The following GLI3 variants were observed in gnomAD, a reference collection of about 807,000 sequenced individuals.
GLI3 encodes GLI family zinc finger 3.
GLI3 carries 20 observed loss-of-function variants against 100.8 expected under a neutral mutation model. The ratio of observed to expected loss-of-function variants is 0.20; its 90% confidence interval spans 0.14 to 0.29. The LOEUF (loss-of-function observed/expected upper bound fraction) is 0.29, where lower values mean the gene tolerates loss of function less well. GLI3 is among the 10% of genes least tolerant of loss of function. The pLI is 1.00. For synonymous variants in GLI3, 938 were observed against 860.5 expected, an observed-to-expected ratio of 1.09 and a Z score of -1.58; for missense variants, 2,040 against 2,128.5, an observed-to-expected ratio of 0.96 and a Z score of 0.82.
chr7:42,238,057 C>G (rs112722486), upstream of GLI3, among the ~76,000 whole-genome samples: 2,442 of 149,928 alleles, frequency 0.016, 28 homozygotes, highest in South Asian at 0.036. Context: ...CGCCCCTCCC[C>G]GGTCTTCACA....
chr7:42,003,815 C>T lies in GLI3; in HGVS notation c.1497+19653G>A, dbSNP rs73688615. ...CAAGAGACGGAAATGATAGATATGA[C>T]GTAGAATATATATTTTTGTACATCT... On this transcript the variant is annotated intron_variant, in intron 10 of 14. Transcript: ENST00000395925. Among the ~76,000 whole-genome samples, 52 of 152,206 alleles carry T rather than the reference C, an allele frequency of 3.4e-4. No homozygotes were observed. The East Asian group carries it at 6.2e-3, about 18-fold the overall frequency.
intron 2 of GLI3, among the ~76,000 whole-genome samples, chr7:42,182,686 A>G (rs759872249): frequency 0.16 from 15,804 of 99,742 alleles, 1,874 homozygotes; most frequent in Non-Finnish European, 0.21. Context: ...ATATATACAC[A>G]TGTGTGTATA....
chr7:42,053,368 C>T (rs940096284), intron 4 of GLI3, among the ~76,000 whole-genome samples: 5 of 152,078 alleles, frequency 3.3e-5, no homozygotes, highest in Admixed American at 6.6e-5. Flanking sequence ...ATCAGGCAGA[C>T]GTGTGTTCAC....
chr7:42,026,121 G>T, intron 8 of GLI3, 78 bp downstream of exon 8: 1 of 902,234 alleles, frequency 1.1e-6, no homozygotes. Flanking sequence ...GTGCCGTGTT[G>T]ATTAACAGCT....
intron 10 of GLI3, among the ~76,000 whole-genome samples, chr7:41,996,845 T>C (rs1232927106): frequency 4.6e-5 from 7 of 152,184 alleles, no homozygotes; most frequent in African/African-American, 1.7e-4. Flanking sequence ...CGTGATATTA[T>C]AAGGATTCTT....
At chr7:42,147,782 G>A (rs1453188292) in intron 3 of GLI3, among the ~76,000 whole-genome samples, 1 of 152,118 alleles carries the variant, frequency 6.6e-6, no homozygotes, top group African/African-American at 2.4e-5. Flanking sequence ...ATCAAAAATG[G>A]GAATAGGCAA....
chr7:42,195,089 C>T (rs76068079), intron 2 of GLI3, among the ~76,000 whole-genome samples: 2 of 151,982 alleles, frequency 1.3e-5, no homozygotes, highest in Non-Finnish European at 2.9e-5. Context: ...ACTTATCTCA[C>T]CCCCACTGCC....
At chr7:42,142,200 C>T (rs954079470) in intron 3 of GLI3, among the ~76,000 whole-genome samples, 2 of 152,054 alleles carry the variant, frequency 1.3e-5, no homozygotes, top group Non-Finnish European at 2.9e-5. Flanking sequence ...GGCCTTTAAA[C>T]ATAAGCAGGA....
intron 1 of GLI3, among the ~76,000 whole-genome samples, chr7:42,257,624 A>G (rs554887166): frequency 6.6e-6 from 1 of 152,154 alleles, no homozygotes; most frequent in African/African-American, 2.4e-5. Context: ...GATTACAGGC[A>G]TGAGCCACCG....
intron 10 of GLI3, among the ~76,000 whole-genome samples, chr7:41,991,162 C>T (rs1787977023): frequency 1.3e-5 from 2 of 152,260 alleles, no homozygotes; most frequent in South Asian, 2.1e-4. Context: ...AATGCAGAAA[C>T]GAATACTGTC....
chr7:42,037,371 T>C (rs1397756816), intron 7 of GLI3, among the ~76,000 whole-genome samples: 7 of 152,184 alleles, frequency 4.6e-5, no homozygotes, highest in Non-Finnish European at 8.8e-5. Flanking sequence ...GTGCTACCAC[T>C]AACTGATTAT....
intron 4 of GLI3, among the ~76,000 whole-genome samples, chr7:42,069,372 C>A (rs536228649): frequency 1.9e-3 from 288 of 152,174 alleles, no homozygotes; most frequent in Middle Eastern, 0.017. Flanking sequence ...GATTTATGTG[C>A]CCGCTCATCA....
Position 42,261,984 on chromosome 7 carries a change from CTTTCTTTCTTTCTTTCT to C in GLI3, c.-43+1993_-43+2009del, listed in dbSNP as rs1271144051. 2.3e-5 allele frequency among the ~76,000 whole-genome samples: 3 copies of C among 132,538 alleles called. No homozygotes were observed. The Admixed American group carries it at 2.5e-4, about 11-fold the overall frequency. 87.0% of individuals were successfully genotyped at this position (132,538 alleles called of 152,430 possible). On this transcript the variant is annotated intron_variant, in intron 1 of 2. Transcript: ENST00000678978. Reference sequence around the variant, plus strand: ...TTCCTCTCTCTCTCGCTCTCTCTTTCTTTCTTTCTTTCTTTCTTTTCTTTCTTTCCTTCCTCTCTCTC... The same window carrying C: ...TTCCTCTCTCTCTCGCTCTCTCTTTCTTTCTTTCTTTCCTTCCTCTCTCTC...
chr7:42,140,920 T>C (rs1204662270), intron 3 of GLI3, among the ~76,000 whole-genome samples: 1 of 151,992 alleles, frequency 6.6e-6, no homozygotes, highest in Non-Finnish European at 1.5e-5. Context: ...CATGCTTTAC[T>C]CTAGGAGGGA....
At chr7:42,164,717 C>T (rs1242927372) in intron 2 of GLI3, among the ~76,000 whole-genome samples, 2 of 151,288 alleles carry the variant, frequency 1.3e-5, no homozygotes, top group Non-Finnish European at 2.9e-5. Flanking sequence ...GTAGTCCCAG[C>T]TATTCGGGAG....
chr7:42,057,784 C>T (rs577592066), intron 4 of GLI3, among the ~76,000 whole-genome samples: 6 of 152,240 alleles, frequency 3.9e-5, no homozygotes, highest in Non-Finnish European at 8.8e-5. Flanking sequence ...GAATGGAAAA[C>T]CAAATACCAT....
intron 4 of GLI3, among the ~76,000 whole-genome samples, chr7:42,075,283 G>A (rs556967368): frequency 1.2e-4 from 19 of 152,226 alleles, no homozygotes; most frequent in South Asian, 2.1e-4. Context: ...CCAAAATTCC[G>A]GAGAAAATCT....
At chr7:42,123,799 G>T (rs1323209488) in intron 3 of GLI3, among the ~76,000 whole-genome samples, 1 of 152,206 alleles carries the variant, frequency 6.6e-6, no homozygotes, top group Non-Finnish European at 1.5e-5. Context: ...AAGAAATTGA[G>T]ATTGACATCT....
At chr7:42,068,550 A>G (rs1450921270) in intron 4 of GLI3, among the ~76,000 whole-genome samples, 1 of 152,134 alleles carries the variant, frequency 6.6e-6, no homozygotes, top group East Asian at 1.9e-4. Flanking sequence ...TTCATACTCA[A>G]AAAGTTAGCA....
Sources: allele counts gnomAD v4.1 joint callset (sites outside exome capture counted in the v4.1 genomes callset), GRCh38; gene constraint gnomAD v4.1.1; transcripts MANE v1.5; gene names NCBI Gene and HGNC (gene_info 2026-07-23, HGNC 2026-07-21).